The following NAALADL2 variants were observed in gnomAD, a reference collection of about 807,000 sequenced individuals.
NAALADL2 encodes inactive N-acetylated-alpha-linked acidic dipeptidase-like protein 2.
In NAALADL2, 76 loss-of-function variants were observed where a neutral mutation model predicts 87.2. That is an observed-to-expected ratio of 0.87 (90% CI 0.72 to 1.05). The LOEUF is 1.05. NAALADL2 is among the 50% of genes least tolerant of loss of function. The pLI, the probability that NAALADL2 is intolerant of heterozygous loss-of-function variation, is 0.00. For synonymous variants in NAALADL2, 354 were observed against 331.0 expected, an observed-to-expected ratio of 1.07 and a Z score of -0.75; for missense variants, 1,089 against 945.8, an observed-to-expected ratio of 1.15 and a Z score of -1.99.
intron 1 of NAALADL2, among the ~76,000 whole-genome samples, chr3:174,948,970 C>A (rs1448490861): frequency 6.6e-6 from 1 of 152,122 alleles, no homozygotes; most frequent in Non-Finnish European, 1.5e-5. Context: ...CTGGTGAAGG[C>A]CCACTTCCTC....
At chr3:175,349,530 T>G (rs1158075912) in intron 5 of NAALADL2, among the ~76,000 whole-genome samples, 4 of 152,176 alleles carry the variant, frequency 2.6e-5, no homozygotes, top group Non-Finnish European at 5.9e-5. Flanking sequence ...CTTGGGGAAG[T>G]CACTGAACTC....
chr3:175,550,829 C>T (rs888963134), intron 9 of NAALADL2, among the ~76,000 whole-genome samples: 8 of 152,166 alleles, frequency 5.3e-5, no homozygotes, highest in Admixed American at 2.0e-4. Context: ...TAGATATATA[C>T]TGTTTGAGGG....
chr3:174,965,998 T>C (rs569336276), intron 1 of NAALADL2, among the ~76,000 whole-genome samples: 16 of 152,252 alleles, frequency 1.1e-4, no homozygotes, highest in Middle Eastern at 3.4e-3. Context: ...GTCTGGCTTT[T>C]GTGAGTGCCC....
At chr3:174,735,941 G>A (rs1223457263) in intron 2 of NAALADL2, among the ~76,000 whole-genome samples, 3 of 152,150 alleles carry the variant, frequency 2.0e-5, no homozygotes, top group Non-Finnish European at 4.4e-5. Flanking sequence ...AGAGTGGTGA[G>A]GGGTGTGTGA....
chr3:175,318,031 T>C, intron 4 of NAALADL2, among the ~76,000 whole-genome samples: 1 of 152,178 alleles, frequency 6.6e-6, no homozygotes, highest in East Asian at 1.9e-4. Context: ...TTATAAAGAG[T>C]TTAAAATTAT....
chr3:175,028,995 T>G (rs982378587), intron 1 of NAALADL2, among the ~76,000 whole-genome samples: 2 of 150,150 alleles, frequency 1.3e-5, no homozygotes, highest in African/African-American at 4.9e-5. Flanking sequence ...ATTAGATGAA[T>G]ATTATGCAGT....
intron 2 of NAALADL2, among the ~76,000 whole-genome samples, chr3:174,619,034 A>C (rs1055133956): frequency 6.6e-6 from 1 of 151,928 alleles, no homozygotes. Context: ...TAATGCAGAG[A>C]TGGTTCAAAT....
chr3:174,767,277 C>T (rs892440164), intron 3 of NAALADL2, among the ~76,000 whole-genome samples: 1 of 152,118 alleles, frequency 6.6e-6, no homozygotes, highest in African/African-American at 2.4e-5. Context: ...TCAAATCTTC[C>T]TATATCCTGT....
chr3:174,876,693 T>C (rs1728549349), intron 1 of NAALADL2, among the ~76,000 whole-genome samples: 2 of 152,176 alleles, frequency 1.3e-5, no homozygotes, highest in Admixed American at 6.6e-5. Context: ...ATGGATTCTT[T>C]TGACTTTGTT....
intron 3 of NAALADL2, among the ~76,000 whole-genome samples, chr3:174,773,104 A>G (rs945876855): frequency 6.6e-6 from 1 of 152,152 alleles, no homozygotes; most frequent in African/African-American, 2.4e-5. Context: ...AGTCATGCAG[A>G]TAATTACAAA....
rs1282515404 is a variant in NAALADL2 at position 175,711,852 on chromosome 3, G to A, written c.1897-25454G>A. Among the ~76,000 whole-genome samples the A allele has an allele frequency of 9.9e-5, 15 of 151,836 alleles. No homozygotes were observed. The East Asian group carries it at 2.7e-3, about 27-fold the overall frequency. On this transcript the variant is annotated intron_variant, in intron 11 of 13. Transcript: ENST00000454872. ...TTCAGTTTTTAAAAAAATGAGATTA[G>A]TGTTTATTTTTAAATCTATTTTAGA...
intron 3 of NAALADL2, among the ~76,000 whole-genome samples, chr3:175,244,163 T>C (rs1055721086): frequency 1.3e-5 from 2 of 152,186 alleles, no homozygotes; most frequent in Non-Finnish European, 2.9e-5. Context: ...ATTATTTATT[T>C]TGTGTCTTAT....
chr3:175,289,089 G>T (rs1441958600), intron 4 of NAALADL2, among the ~76,000 whole-genome samples: 3 of 152,048 alleles, frequency 2.0e-5, no homozygotes, highest in African/African-American at 7.2e-5. Flanking sequence ...GTAAGAATTT[G>T]AGCTGTTATC....
intron 3 of NAALADL2, among the ~76,000 whole-genome samples, chr3:174,837,016 G>A (rs144174718): frequency 2.1e-4 from 32 of 152,122 alleles, no homozygotes; most frequent in Non-Finnish European, 3.4e-4. Flanking sequence ...TAAGAGGAAC[G>A]TTCATAGCCC....
upstream of NAALADL2, among the ~76,000 whole-genome samples, chr3:174,856,649 C>A (rs1725892431): frequency 6.6e-6 from 1 of 152,040 alleles, no homozygotes; most frequent in Admixed American, 6.6e-5. Flanking sequence ...ATGAGGCTGG[C>A]AATTCAGATA....
chr3:174,915,657 A>G (rs192246830), intron 1 of NAALADL2, among the ~76,000 whole-genome samples: 1 of 152,274 alleles, frequency 6.6e-6, no homozygotes, highest in African/African-American at 2.4e-5. Context: ...TAAAAATTGA[A>G]TTTTATCATA....
intron 1 of NAALADL2, among the ~76,000 whole-genome samples, chr3:174,964,147 T>C (rs964870323): frequency 2.0e-5 from 3 of 152,146 alleles, no homozygotes; most frequent in Non-Finnish European, 2.9e-5. Context: ...GAAATAGTTA[T>C]TCATTTACAA....
Position 174,962,383 on chromosome 3 carries a change from T to TATATGTCATAGTCACTATGAC in NAALADL2, c.43+102937_43+102938insGTCATAGTCACTATGACATAT, listed in dbSNP as rs61605620. ...ATAGTGACTATGACATATATATATA[T>TATATGTCATAGTCACTATGAC]ATATATATATATGTCATAGTGACTA... On this transcript the variant is annotated intron_variant, in intron 1 of 13. Coordinates refer to ENST00000454872, the MANE Select transcript of NAALADL2 (RefSeq NM_207015.3). Among the ~76,000 whole-genome samples, 12 of 116,920 alleles carry TATATGTCATAGTCACTATGAC rather than the reference T, an allele frequency of 1.0e-4. 1 individual carries two copies. The highest frequency in any genetic ancestry group is 4.9e-4 in the African/African-American group (12 of 24,294). 76.7% of individuals were successfully genotyped at this position (116,920 alleles called of 152,430 possible).
intron 2 of NAALADL2, among the ~76,000 whole-genome samples, chr3:174,712,449 G>A (rs1161954180): frequency 5.9e-5 from 8 of 136,120 alleles, no homozygotes; most frequent in African/African-American, 1.9e-4. Context: ...GTGCAATGGC[G>A]TGATCTTGGC....
Sources: allele counts gnomAD v4.1 joint callset (sites outside exome capture counted in the v4.1 genomes callset), GRCh38; gene constraint gnomAD v4.1.1; transcripts MANE v1.5; gene names NCBI Gene and HGNC (gene_info 2026-07-23, HGNC 2026-07-21).